TTLL7: variants seen among roughly 807,000 people sequenced by gnomAD.
TTLL7 encodes tubulin polyglutamylase TTLL7.
In TTLL7, 53 loss-of-function variants were observed where a neutral mutation model predicts 120.2. The observed-to-expected ratio is 0.44, with a 90% CI of 0.35 to 0.55. TTLL7 has a LOEUF of 0.55. TTLL7 is among the 20% of genes least tolerant of loss of function. The probability of loss-of-function intolerance (pLI) is 0.00; values close to 1 mark genes in which losing one functional copy is unlikely to be tolerated. For synonymous variants in TTLL7, 353 were observed against 351.7 expected (o/e 1.00, Z -0.04); for missense variants, 803 against 1,054.7 (o/e 0.76, Z 3.31).
rs755453431 is a variant in TTLL7, at chr1:83,890,397, G to T, written c.2293C>A (p.Arg765=). ...CGATTAAAAACCCGGTTGAAAATCC[G>T]ATATAAATTTACTTCTTCAACATCA... The part of the protein sequence containing the change: ...VPDVEEVNLY[R]IFNRVFNRLL... The change falls in exon 19 of 21, where the codon CGG becomes AGG. Residue 765 remains arginine (R), a synonymous_variant. Coordinates refer to ENST00000260505, the MANE Select transcript of TTLL7 (RefSeq NM_024686.6). 2 of 1,613,334 alleles carry T rather than the reference G, an allele frequency of 1.2e-6. No individual in the cohort carries two copies. Among genetic ancestry groups the T allele is most frequent in the Non-Finnish European group, 1.7e-6 (2 of 1,179,524 alleles).
At chr1:83,877,347 T>C (rs1376447847) in intron 20 of TTLL7, among the ~76,000 whole-genome samples, 1 of 152,018 alleles carries the variant, frequency 6.6e-6, no homozygotes, top group Non-Finnish European at 1.5e-5. Flanking sequence ...TCCTTTGCCA[T>C]AATGTCTTGG....
At position 83,966,405 on chromosome 1, in the gene TTLL7, T is replaced by C. The variant is rs533124404; in HGVS notation, c.-176-14018A>G. Among the ~76,000 whole-genome samples the C allele has an allele frequency of 2.6e-5, 4 of 152,038 alleles. No homozygotes were observed. In the South Asian group the frequency reaches 8.3e-4, roughly 32 times the overall value. ...TCTCCCCCCAACCCCTCTCCATATA[T>C]ATAATTGATTCTGTTTCTATGAATA... On this transcript the variant is annotated intron_variant, in intron 1 of 20. Coordinates refer to ENST00000260505, the MANE Select transcript of TTLL7 (RefSeq NM_024686.6).
chr1:83,940,484 G>A (rs552128407), intron 7 of TTLL7, among the ~76,000 whole-genome samples: 39 of 152,166 alleles, frequency 2.6e-4, no homozygotes, highest in African/African-American at 8.9e-4. Context: ...GAATACATCC[G>A]CTTTCCACAA....
chr1:83,891,477 T>C (rs1336950262), intron 18 of TTLL7, among the ~76,000 whole-genome samples: 2 of 152,082 alleles, frequency 1.3e-5, no homozygotes, highest in Non-Finnish European at 2.9e-5. Flanking sequence ...TGAGTACAGA[T>C]CGGTGCACAA....
At chr1:83,892,528 ATATGAACATATG>A (rs1655695454) in intron 18 of TTLL7, among the ~76,000 whole-genome samples, 1 of 58,758 alleles carries the variant, frequency 1.7e-5, no homozygotes, top group African/African-American at 4.4e-5. Context: ...ATGAACATAT[ATATGAACATATG>A]AATGAACATA....
chr1:83,950,853 A>G (rs1648972616), intron 3 of TTLL7, among the ~76,000 whole-genome samples: 1 of 152,136 alleles, frequency 6.6e-6, no homozygotes, highest in Non-Finnish European at 1.5e-5. Context: ...CTGCTGTGCC[A>G]CCTACAGCTC....
chr1:83,948,719 T>C (rs553981945), intron 4 of TTLL7, 24 bp from the exon 5 acceptor site: 2 of 1,519,074 alleles, frequency 1.3e-6, no homozygotes, highest in South Asian at 2.3e-5. Flanking sequence ...AGGTAAATAT[T>C]AATATTCTCA....
intron 9 of TTLL7, 138 bp from the exon 10 acceptor site, chr1:83,929,368 T>A: frequency 1.7e-6 from 1 of 581,612 alleles, no homozygotes; most frequent in Non-Finnish European, 3.0e-6. Context: ...GGCCCAGTTG[T>A]TATTGCCACA....
intron 7 of TTLL7, among the ~76,000 whole-genome samples, chr1:83,940,356 T>C (rs1306540963): frequency 6.6e-6 from 1 of 152,218 alleles, no homozygotes; most frequent in Non-Finnish European, 1.5e-5. Context: ...AATCTATGTA[T>C]TGACAAGTCT....
intron 18 of TTLL7, among the ~76,000 whole-genome samples, chr1:83,902,407 C>T (rs531238764): frequency 6.6e-6 from 1 of 152,034 alleles, no homozygotes; most frequent in African/African-American, 2.4e-5. Flanking sequence ...AAGTTTTACT[C>T]CCCACCACCC....
intron 9 of TTLL7, among the ~76,000 whole-genome samples, chr1:83,932,800 G>A (rs536032821): frequency 2.6e-5 from 4 of 152,108 alleles, no homozygotes; most frequent in Middle Eastern, 3.4e-3. Flanking sequence ...TCCTGATTAC[G>A]TTTCCAAAAC....
intron 6 of TTLL7, 51 bp from the exon 7 acceptor site, chr1:83,942,730 T>A (rs775472973): frequency 2.1e-4 from 291 of 1,370,022 alleles, no homozygotes; most frequent in Non-Finnish European, 2.8e-4. Flanking sequence ...GAGCAAGGTG[T>A]TTAAAAAGTT....
At chr1:83,995,180 A>T (rs1443998973) in intron 1 of TTLL7, among the ~76,000 whole-genome samples, 1 of 152,052 alleles carries the variant, frequency 6.6e-6, no homozygotes, top group African/African-American at 2.4e-5. Flanking sequence ...CACAGACAAG[A>T]TTGGGTGTTA....
intron 1 of TTLL7, among the ~76,000 whole-genome samples, chr1:83,997,691 A>G (rs1230674899): frequency 6.6e-6 from 1 of 152,218 alleles, no homozygotes; most frequent in African/African-American, 2.4e-5. Context: ...CTGTCACCCT[A>G]TTGTGGGGTG....
chr1:83,937,288 A>G (rs1290722380), intron 8 of TTLL7, among the ~76,000 whole-genome samples: 2 of 150,930 alleles, frequency 1.3e-5, no homozygotes, highest in African/African-American at 4.9e-5. Flanking sequence ...ACTGCAACCT[A>G]CACCTCCTGG....
chr1:83,995,400 G>A (rs373725521), intron 1 of TTLL7, among the ~76,000 whole-genome samples: 12 of 151,332 alleles, frequency 7.9e-5, no homozygotes, highest in East Asian at 5.8e-4. Context: ...GTAAGTGAGC[G>A]CTCACTCTGA....
At chr1:83,874,131 C>A (rs1311142057) in intron 20 of TTLL7, among the ~76,000 whole-genome samples, 1 of 152,034 alleles carries the variant, frequency 6.6e-6, no homozygotes, top group Non-Finnish European at 1.5e-5. Context: ...AGTACTAACG[C>A]CCCATTTTCC....
intron 1 of TTLL7, among the ~76,000 whole-genome samples, chr1:83,970,030 T>C (rs1415781612): frequency 2.0e-5 from 3 of 151,982 alleles, no homozygotes; most frequent in Non-Finnish European, 4.4e-5. Context: ...TTTTGAAAAT[T>C]CAGGATGTTT....
At chr1:83,944,031 A>T (rs1379395296) in intron 6 of TTLL7, among the ~76,000 whole-genome samples, 1 of 152,140 alleles carries the variant, frequency 6.6e-6, no homozygotes, top group African/African-American at 2.4e-5. Context: ...TCACTAAAGG[A>T]TATAAACAGT....
Sources: allele counts gnomAD v4.1 joint callset (sites outside exome capture counted in the v4.1 genomes callset), GRCh38; gene constraint gnomAD v4.1.1; transcripts MANE v1.5; gene names NCBI Gene and HGNC (gene_info 2026-07-23, HGNC 2026-07-21).